The following LPGAT1 variants were observed in gnomAD, a reference collection of about 807,000 sequenced individuals.
LPGAT1 encodes the protein lysophosphatidylglycerol acyltransferase 1.
Under a neutral mutation model 47.5 loss-of-function variants are expected in LPGAT1, and 11 were observed. The observed-to-expected ratio is 0.23, with a 90% confidence interval of 0.15 to 0.38. The LOEUF (loss-of-function observed/expected upper bound fraction) is 0.38, where lower values mean the gene tolerates loss of function less well. Ranked by LOEUF, LPGAT1 falls within the 10% of genes least tolerant of loss-of-function variation. LPGAT1 has a pLI of 1.00. For missense variants in LPGAT1, 293 were observed against 439.0 expected, an observed-to-expected ratio of 0.67 and a Z score of 2.97; for synonymous variants, 138 against 144.2, an observed-to-expected ratio of 0.96 and a Z score of 0.31.
In LPGAT1 at chr1:211,808,287, T is replaced by C. The variant is rs137939311; in HGVS notation, c.239-15097A>G. ...TTGAACCCGGGCAGGGTTGTGGAAA[T>C]TGCAGTGAGCTGAGATCACGCCATT... On this transcript the variant is annotated intron_variant, in intron 2 of 7. Coordinates refer to ENST00000366997, the MANE Select transcript of LPGAT1 (RefSeq NM_014873.3). Among the ~76,000 whole-genome samples, 803 of 149,654 alleles carry C rather than the reference T, an allele frequency of 5.4e-3. 10 individuals are homozygous for C. Among genetic ancestry groups the C allele is most frequent in the African/African-American group, 0.018 (754 of 40,816 alleles).
intron 5 of LPGAT1, 98 bp downstream of exon 5, chr1:211,783,131 C>T: frequency 1.7e-6 from 2 of 1,148,366 alleles, no homozygotes; most frequent in Non-Finnish European, 2.3e-6. Flanking sequence ...TTATTTTTAA[C>T]AAAAATTATA....
intron 2 of LPGAT1, among the ~76,000 whole-genome samples, chr1:211,818,684 A>G (rs1461584922): frequency 1.3e-5 from 2 of 152,220 alleles, no homozygotes; most frequent in Non-Finnish European, 2.9e-5. Context: ...GGAGTGCACT[A>G]GTGATCTTTA....
At chr1:211,767,038 A>G (rs1657948825) in intron 6 of LPGAT1, among the ~76,000 whole-genome samples, 1 of 152,212 alleles carries the variant, frequency 6.6e-6, no homozygotes, top group East Asian at 1.9e-4. Flanking sequence ...ATTCTTCAAC[A>G]TCATTACAGA....
chr1:211,829,975 G>A, intron 1 of LPGAT1: 3 of 985,624 alleles, frequency 3.0e-6, no homozygotes, highest in Non-Finnish European at 3.6e-6. Context: ...CAGGAGTAGG[G>A]GGAAGGGAGC....
At chr1:211,826,660 G>A (rs1175461989) in intron 2 of LPGAT1, among the ~76,000 whole-genome samples, 1 of 57,740 alleles carries the variant, frequency 1.7e-5, no homozygotes, top group Non-Finnish European at 3.5e-5. Flanking sequence ...TCATAATTTG[G>A]AAAAAGATAT....
At chr1:211,803,843 C>G (rs1336622654) in intron 2 of LPGAT1, among the ~76,000 whole-genome samples, 8 of 150,446 alleles carry the variant, frequency 5.3e-5, no homozygotes, top group Non-Finnish European at 1.0e-4. Context: ...TCACTGCAGT[C>G]TCCACCTCCC....
At chr1:211,819,172 T>C (rs1660279517) in intron 2 of LPGAT1, among the ~76,000 whole-genome samples, 1 of 152,132 alleles carries the variant, frequency 6.6e-6, no homozygotes, top group South Asian at 2.1e-4. Context: ...AACTGCTTTT[T>C]CAGAAAACCT....
At chr1:211,753,185 G>A (rs1657277643) in intron 6 of LPGAT1, among the ~76,000 whole-genome samples, 2 of 152,100 alleles carry the variant, frequency 1.3e-5, no homozygotes, top group Admixed American at 1.3e-4. Context: ...CTCCTAAATC[G>A]AATAGAATGT....
At position 211,830,095 on chromosome 1, in the gene LPGAT1, G is replaced by A. The variant is rs1293057433; in HGVS notation, c.-28+478C>T. 3.0e-6 allele frequency: 3 copies of A among 984,604 alleles called. No individual in the cohort carries two copies. The African/African-American group carries it at 5.2e-5, about 17-fold the overall frequency. 61.0% of individuals were successfully genotyped at this position (984,604 alleles called of 1,614,324 possible). A position where few individuals can be genotyped will look rare whatever the true frequency, so the allele number is the denominator to read the frequency against. On this transcript the variant is annotated intron_variant, in intron 1 of 7. Transcript: ENST00000366997. The surrounding 1 kb of genome is among the most constrained non-coding windows in gnomAD (Gnocchi z 5.9). ...TGAAAGGGGCAGAGAAGAGGCGACC[G>A]CAGCGCGGGGAGCCGGTGGAGCCTG... is the stretch of plus-strand genomic sequence containing the variant.
intron 2 of LPGAT1, among the ~76,000 whole-genome samples, chr1:211,798,281 A>G (rs1189407697): frequency 2.0e-5 from 3 of 152,212 alleles, no homozygotes; most frequent in Non-Finnish European, 2.9e-5. Context: ...GATCTAATTG[A>G]CAGTACCATA....
At chr1:211,773,902 T>C (rs144606097) in intron 6 of LPGAT1, among the ~76,000 whole-genome samples, 369 of 152,272 alleles carry the variant, frequency 2.4e-3, no homozygotes, top group African/African-American at 8.4e-3. Flanking sequence ...AGTTCAATAA[T>C]GTAGTTGTAT....
intron 6 of LPGAT1, among the ~76,000 whole-genome samples, chr1:211,755,421 A>C (rs1571692553): frequency 6.6e-6 from 1 of 151,054 alleles, no homozygotes; most frequent in East Asian, 1.9e-4. Flanking sequence ...ATAAATATTG[A>C]AAAAAAAATC....
At chr1:211,789,808 T>C (rs1571732786) in intron 3 of LPGAT1, among the ~76,000 whole-genome samples, 1 of 150,020 alleles carries the variant, frequency 6.7e-6, no homozygotes, top group African/African-American at 2.4e-5. Context: ...GAGGCGGAGG[T>C]TGCAGTGAGC....
At position 211,830,547 on chromosome 1, in the gene LPGAT1, C is replaced by A. The variant is rs1194753259; in HGVS notation, c.-28+26G>T. 1.9e-6 allele frequency: 2 copies of A among 1,030,302 alleles called. No homozygotes were observed. Among genetic ancestry groups the A allele is most frequent in the Non-Finnish European group, 2.4e-6 (2 of 850,800 alleles). The allele number at this position is 1,030,302 out of a possible 1,614,324, so 63.8% of individuals were successfully genotyped here. The stretch of plus-strand genomic sequence containing the variant: ...GCCCGGCTCCGCTGCCGCTCTGGGG[C>A]CTGCGACCGCGGAGCCGGAGGTTAC... On this transcript the variant is annotated intron_variant, in intron 1 of 7. Coordinates refer to ENST00000366997, the MANE Select transcript of LPGAT1 (RefSeq NM_014873.3). The surrounding 1 kb of genome is among the most constrained non-coding windows in gnomAD (Gnocchi z 5.9).
chr1:211,765,310 T>C (rs1221186495), intron 6 of LPGAT1, among the ~76,000 whole-genome samples: 1 of 152,248 alleles, frequency 6.6e-6, no homozygotes, highest in Non-Finnish European at 1.5e-5. Flanking sequence ...TCTATCCATA[T>C]CTATTTTTTC....
chr1:211,824,928 A>G (rs1001556942), intron 2 of LPGAT1, among the ~76,000 whole-genome samples: 1 of 152,158 alleles, frequency 6.6e-6, no homozygotes, highest in Admixed American at 6.5e-5. Context: ...ACCCAGAAAG[A>G]CAGGGCAGCT....
At chr1:211,824,377 T>C (rs370431208) in intron 2 of LPGAT1, among the ~76,000 whole-genome samples, 18 of 152,144 alleles carry the variant, frequency 1.2e-4, no homozygotes, top group East Asian at 1.9e-4. Flanking sequence ...GGCTGGGCAA[T>C]AGAGTGAGAC....
chr1:211,804,467 A>T (rs1659686160), intron 2 of LPGAT1, among the ~76,000 whole-genome samples: 1 of 152,214 alleles, frequency 6.6e-6, no homozygotes, highest in Non-Finnish European at 1.5e-5. Flanking sequence ...ACAAGGCAGA[A>T]AATTACCCCA....
chr1:211,829,687 C>G (rs759112073), intron 1 of LPGAT1: 44 of 1,046,614 alleles, frequency 4.2e-5, no homozygotes, highest in Non-Finnish European at 5.0e-5. Flanking sequence ...GATCTCCAAA[C>G]TGAAGACACA....
Sources: gnomAD v4.1 joint callset for allele counts (sites outside exome capture counted in the v4.1 genomes callset) on GRCh38, gnomAD v4.1.1 for gene constraint, Gnocchi (gnomAD v3.1) non-coding constraint, MANE v1.5 for transcripts, NCBI Gene and HGNC (gene_info 2026-07-23, HGNC 2026-07-21) for gene names.